The following IL1RAPL2 variants were observed in gnomAD, a reference collection of about 807,000 sequenced individuals.
IL1RAPL2 encodes the protein interleukin 1 receptor accessory protein like 2, also known as X-linked interleukin-1 receptor accessory protein-like 2.
A neutral mutation model predicts 44.1 loss-of-function variants in IL1RAPL2; 3 were observed. The ratio of observed to expected loss-of-function variants is 0.07; its 90% CI spans 0.03 to 0.18. The LOEUF (loss-of-function observed/expected upper bound fraction) is 0.18. Ranked by LOEUF, IL1RAPL2 falls within the 10% of genes least tolerant of loss-of-function variation. The probability of loss-of-function intolerance (pLI) is 1.00; values close to 1 mark genes in which losing one functional copy is unlikely to be tolerated. For missense variants in IL1RAPL2, 391 were observed against 496.4 expected (o/e 0.79, Z 2.02); for synonymous variants, 181 against 178.8 (o/e 1.01, Z -0.10).
rs750203255 is a variant in IL1RAPL2 at position 105,503,800 on chromosome X, G to A, written c.772+19413G>A. On this transcript the variant is annotated intron_variant, in intron 6 of 10. Transcript: ENST00000372582. ...CTCTTCTAGCTTCTGGTAGTTGCCA[G>A]CAGTCCTTGATGTGCCTTGACTGGT... 3.6e-5 allele frequency among the ~76,000 whole-genome samples: 4 copies of A among 112,058 alleles called. No homozygotes were observed. The East Asian group carries it at 1.1e-3, about 32-fold the overall frequency.
intron 2 of IL1RAPL2, among the ~76,000 whole-genome samples, chrX:104,902,152 G>A (rs774223888): frequency 4.4e-4 from 49 of 111,779 alleles, no homozygotes; most frequent in Non-Finnish European, 8.1e-4. Context: ...TGGTATGAAC[G>A]TTATGGAAGT....
intron 2 of IL1RAPL2, among the ~76,000 whole-genome samples, chrX:104,943,113 T>A (rs1925237303): frequency 9.0e-6 from 1 of 111,393 alleles, no homozygotes; most frequent in African/African-American, 3.3e-5. Context: ...TTATTGAGGA[T>A]TTTTCATCGA....
intron 2 of IL1RAPL2, among the ~76,000 whole-genome samples, chrX:105,041,152 G>A (rs1473172418): frequency 9.1e-6 from 1 of 109,918 alleles, no homozygotes; most frequent in Non-Finnish European, 1.9e-5. Flanking sequence ...TAGTCATTCA[G>A]GAGCAGGTTG....
chrX:105,722,690 T>C (rs1023382105), intron 7 of IL1RAPL2, among the ~76,000 whole-genome samples: 2 of 111,826 alleles, frequency 1.8e-5, no homozygotes, highest in Admixed American at 1.9e-4. Context: ...TGGCCCTTAT[T>C]CAGTGCTCTC....
intron 2 of IL1RAPL2, among the ~76,000 whole-genome samples, chrX:104,791,156 T>TCTGCCTTGCCTGCC (rs1932823798): frequency 1.8e-5 from 2 of 109,652 alleles, no homozygotes; most frequent in African/African-American, 6.7e-5. Flanking sequence ...TCTCTCTCCC[T>TCTGCCTTGCCTGCC]CTGCCTTGCC....
chrX:105,223,263 A>G (rs1363242745), intron 3 of IL1RAPL2, among the ~76,000 whole-genome samples: 5 of 111,564 alleles, frequency 4.5e-5, no homozygotes, highest in African/African-American at 1.6e-4. Context: ...TAGTATTGAG[A>G]GGTGAAAGCT....
chrX:104,897,240 T>C (rs755050514), intron 2 of IL1RAPL2, among the ~76,000 whole-genome samples: 13 of 112,070 alleles, frequency 1.2e-4, no homozygotes, highest in Non-Finnish European at 2.3e-4. Flanking sequence ...GATGTCAAGA[T>C]AGATTCTTCA....
At chrX:105,449,841 T>C (rs960584418) in intron 5 of IL1RAPL2, among the ~76,000 whole-genome samples, 2 of 112,023 alleles carry the variant, frequency 1.8e-5, no homozygotes, top group East Asian at 2.8e-4. Flanking sequence ...ATGGTGTCTT[T>C]CTCTCTGTGC....
chrX:104,894,630 G>T (rs1315548809), intron 2 of IL1RAPL2, among the ~76,000 whole-genome samples: 1 of 111,814 alleles, frequency 8.9e-6, no homozygotes, highest in Non-Finnish European at 1.9e-5. Context: ...ATGTTTTTCA[G>T]CTCCATCAGG....
At chrX:105,396,495 G>A (rs1453701512) in intron 5 of IL1RAPL2, among the ~76,000 whole-genome samples, 4 of 98,774 alleles carry the variant, frequency 4.0e-5, no homozygotes, top group African/African-American at 7.3e-5. Flanking sequence ...ATTAAATAAC[G>A]TAAAAGACAA....
chrX:104,886,178 C>T (rs764545462), intron 2 of IL1RAPL2, among the ~76,000 whole-genome samples: 71 of 112,972 alleles, frequency 6.3e-4, no homozygotes, highest in Non-Finnish European at 5.8e-4. Flanking sequence ...AGACTTTGCT[C>T]TTTTCACATG....
chrX:105,467,022 T>C lies in IL1RAPL2; in HGVS notation c.698-17291T>C, dbSNP rs1019095460. On this transcript the variant is annotated intron_variant, in intron 5 of 10. Coordinates refer to ENST00000372582, the MANE Select transcript of IL1RAPL2 (RefSeq NM_017416.2). ...CATAAATGGATTAATTTATTCATGA[T>C]AGCAGAGCCCTCATAACCCAATCTT... Among the ~76,000 whole-genome samples, 4 of 111,199 alleles carry C rather than the reference T, an allele frequency of 3.6e-5. No homozygotes were observed. In the South Asian group the frequency reaches 1.2e-3, roughly 32 times the overall value.
At chrX:104,670,176 CA>C (rs2148027685) in intron 2 of IL1RAPL2, among the ~76,000 whole-genome samples, 1 of 111,300 alleles carries the variant, frequency 9.0e-6, no homozygotes, top group East Asian at 2.9e-4. Context: ...CCAAAAGCCT[CA>C]AAAGCAAGAA....
At chrX:105,703,583 A>AAT (rs1290887362) in intron 6 of IL1RAPL2, among the ~76,000 whole-genome samples, 1 of 111,758 alleles carries the variant, frequency 8.9e-6, no homozygotes, top group Non-Finnish European at 1.9e-5. Context: ...GCCAACAGTC[A>AAT]GTGTGTGTTC....
chrX:104,880,075 AT>A (rs11316128), intron 2 of IL1RAPL2, among the ~76,000 whole-genome samples: 42,602 of 108,758 alleles, frequency 0.39, 6,346 homozygotes, highest in East Asian at 0.45. Context: ...CTGTTTTGCA[AT>A]TTTTTTTTAT....
intron 6 of IL1RAPL2, among the ~76,000 whole-genome samples, chrX:105,584,537 T>G (rs1250516690): frequency 9.1e-6 from 1 of 110,458 alleles, no homozygotes; most frequent in Non-Finnish European, 1.9e-5. Flanking sequence ...TTTCTGTTTT[T>G]TTTTTTCTTG....
chrX:105,418,827 T>A (rs2035753148), intron 5 of IL1RAPL2, among the ~76,000 whole-genome samples: 1 of 112,045 alleles, frequency 8.9e-6, no homozygotes, highest in African/African-American at 3.2e-5. Flanking sequence ...TACTTTTGCT[T>A]TCCAGTTGTT....
intron 5 of IL1RAPL2, among the ~76,000 whole-genome samples, chrX:105,470,816 G>A (rs1447941864): frequency 9.0e-6 from 1 of 111,629 alleles, no homozygotes; most frequent in Non-Finnish European, 1.9e-5. Context: ...ATAGCACGTG[G>A]TATTGCAGAA....
At chrX:104,752,482 AT>A (rs937085206) in intron 2 of IL1RAPL2, among the ~76,000 whole-genome samples, 1 of 110,868 alleles carries the variant, frequency 9.0e-6, no homozygotes, top group Non-Finnish European at 1.9e-5. Flanking sequence ...TATGGCTATA[AT>A]TTAGTTTCCT....
Sources: allele counts gnomAD v4.1 joint callset (sites outside exome capture counted in the v4.1 genomes callset), GRCh38; gene constraint gnomAD v4.1.1; transcripts MANE v1.5; gene names NCBI Gene and HGNC (gene_info 2026-07-23, HGNC 2026-07-21).